The following NEB variants were observed in gnomAD, a reference collection of about 807,000 sequenced individuals.
NEB encodes nemaline myopathy type 2.
In NEB, 512 loss-of-function variants were observed where a neutral mutation model predicts 952.2. The observed-to-expected ratio is 0.54, with a 90% CI of 0.50 to 0.58. The LOEUF is 0.58. NEB is among the 20% of genes least tolerant of loss of function. NEB has a pLI of 0.00. For synonymous variants in NEB, 2,900 were observed against 3,149.8 expected, an observed-to-expected ratio of 0.92 and a Z score of 2.66; for missense variants, 8,428 against 9,231.1, an observed-to-expected ratio of 0.91 and a Z score of 3.56.
rs1336053002 is a variant in NEB at position 151,619,450 on chromosome 2, C to A, written c.10872+1G>T. Reference sequence around the variant, plus strand: ...GCAGAGCTAACATCAAGGAAACTTACGTCACTCTGGAGGTCATAGGCTTTC... The same window carrying A: ...GCAGAGCTAACATCAAGGAAACTTAAGTCACTCTGGAGGTCATAGGCTTTC... On this transcript the variant is annotated splice_donor_variant, in intron 73 of 181. Transcript: ENST00000397345. LOFTEE classifies it high-confidence loss of function. The A allele has an allele frequency of 6.3e-7, 1 of 1,588,352 alleles. No homozygotes were observed. The highest frequency in any genetic ancestry group is 8.6e-7 in the Non-Finnish European group (1 of 1,163,260).
At chr2:151,576,507 T>C (rs1288843689) in intron 105 of NEB, among the ~76,000 whole-genome samples, 153 bp from the exon 106 acceptor site, 2 of 37,270 alleles carry the variant, frequency 5.4e-5, no homozygotes, top group Admixed American at 3.8e-4. Context: ...TATATATATA[T>C]ATATATATAT....
chr2:151,664,336 T>C (rs1390769932), intron 44 of NEB, among the ~76,000 whole-genome samples, 165 bp downstream of exon 44: 1 of 152,210 alleles, frequency 6.6e-6, no homozygotes, highest in Non-Finnish European at 1.5e-5. Context: ...AATGAACAGA[T>C]GATTAGAGGG....
chr2:151,613,749 T>A (rs758993151), intron 77 of NEB, among the ~76,000 whole-genome samples: 1 of 152,170 alleles, frequency 6.6e-6, no homozygotes, highest in Non-Finnish European at 1.5e-5. Flanking sequence ...CTTAAAAGTG[T>A]GTAGCACTTC....
At chr2:151,709,570 TTTTA>T in intron 12 of NEB, 82 bp downstream of exon 12, 1 of 1,046,758 alleles carries the variant, frequency 9.6e-7, no homozygotes, top group Non-Finnish European at 1.4e-6. Flanking sequence ...TCCTCCCCTT[TTTTA>T]CTAATTATAT....
At chr2:151,560,525 T>C in intron 124 of NEB, 67 bp downstream of exon 124, 1 of 1,250,118 alleles carries the variant, frequency 8.0e-7, no homozygotes, top group Admixed American at 2.0e-5. Context: ...GCCTGAAAGA[T>C]TCTTGGAGTG....
chr2:151,707,048 C>T, intron 12 of NEB, 51 bp from the exon 13 acceptor site: 1 of 1,197,772 alleles, frequency 8.3e-7, no homozygotes, highest in East Asian at 2.6e-5. Flanking sequence ...TATTTTTGCC[C>T]CCGTCTCTAT....
At chr2:151,728,059 G>A (rs1261090950) in intron 4 of NEB, among the ~76,000 whole-genome samples, 153 bp from the exon 5 acceptor site, 2 of 152,192 alleles carry the variant, frequency 1.3e-5, no homozygotes. Context: ...ATGGCACACT[G>A]TAGCCGTATG....
chr2:151,524,554 G>A lies in NEB; in HGVS notation c.22335C>T (p.Asp7445=), dbSNP rs2153439353. ...LHYTTVADRP[D]IKKATQAAKQ... ...TGGCTGCCTGTGTGGCCTTCTTGAT[G>A]TCTGGTCGATCAGCCACTGTGGTGT... Residue 7445 remains aspartate, a synonymous_variant, in exon 152 of 182, where the codon GAC becomes GAT. Transcript: ENST00000397345. The A allele has an allele frequency of 2.5e-6, 4 of 1,603,080 alleles. No individual in the cohort carries two copies. Among genetic ancestry groups the A allele is most frequent in the Non-Finnish European group, 3.4e-6 (4 of 1,174,210 alleles).
intron 132 of NEB, 28 bp from the exon 133 acceptor site, chr2:151,547,561 T>C (rs1276851669): frequency 1.3e-6 from 2 of 1,599,604 alleles, no homozygotes; most frequent in Non-Finnish European, 1.7e-6. Flanking sequence ...CCCCAAAACA[T>C]ATGTATTAGA....
intron 37 of NEB, 76 bp from the exon 38 acceptor site, chr2:151,671,305 T>G: frequency 8.0e-7 from 1 of 1,250,106 alleles, no homozygotes; most frequent in South Asian, 1.4e-5. Context: ...TGCAATTCTA[T>G]CCAAGGGAAA....
chr2:151,644,905 G>T (rs1189464291), intron 55 of NEB, among the ~76,000 whole-genome samples: 1 of 152,108 alleles, frequency 6.6e-6, no homozygotes, highest in African/African-American at 2.4e-5. Flanking sequence ...ATCCTAGATG[G>T]TACGGCCTAG....
chr2:151,707,169 A>C (rs1214579384), intron 12 of NEB, among the ~76,000 whole-genome samples, 172 bp from the exon 13 acceptor site: 1 of 152,258 alleles, frequency 6.6e-6, no homozygotes, highest in East Asian at 1.9e-4. Flanking sequence ...GAGAAACTGC[A>C]TAAATTTCCA....
intron 142 of NEB, among the ~76,000 whole-genome samples, chr2:151,534,772 C>T (rs940387716): frequency 6.6e-5 from 10 of 152,150 alleles, no homozygotes; most frequent in African/African-American, 2.4e-4. Context: ...CCTGGAAATT[C>T]TTCATGAAAT....
At chr2:151,697,047 T>C (rs1290284852) in intron 16 of NEB, 101 bp downstream of exon 16, 9 of 867,614 alleles carry the variant, frequency 1.0e-5, no homozygotes, top group Non-Finnish European at 1.6e-5. Context: ...TGCGATTGCC[T>C]GGCTTACATT....
chr2:151,612,008 G>C (rs1320234626), intron 78 of NEB, among the ~76,000 whole-genome samples, 178 bp downstream of exon 78: 1 of 152,156 alleles, frequency 6.6e-6, no homozygotes, highest in Non-Finnish European at 1.5e-5. Flanking sequence ...AGAGAATTAG[G>C]GGGCAGGGTG....
intron 29 of NEB, among the ~76,000 whole-genome samples, chr2:151,681,379 G>A (rs1372824370): frequency 1.3e-5 from 2 of 152,196 alleles, no homozygotes; most frequent in South Asian, 2.1e-4. Flanking sequence ...CCAAAACGCT[G>A]AAGGGGCACT....
At chr2:151,539,813 G>A (rs1301752996) in intron 138 of NEB, among the ~76,000 whole-genome samples, 1 of 152,194 alleles carries the variant, frequency 6.6e-6, no homozygotes, top group Non-Finnish European at 1.5e-5. Flanking sequence ...TGATCTATAT[G>A]CAATTAAGAG....
At position 151,644,070 on chromosome 2, in the gene NEB, A is replaced by G. The variant is rs1441930348; in HGVS notation, c.7704T>C (p.Ile2568=). 1 of 1,613,760 alleles carries G rather than the reference A, an allele frequency of 6.2e-7. No homozygotes were observed. Among genetic ancestry groups the G allele is most frequent in the Non-Finnish European group, 8.5e-7 (1 of 1,179,880 alleles). ...QLGHHIGARN[I]EDDPKMMWSM... ...ACCACATCATCTTGGGGTCATCTTC[A>G]ATGTTCCGGGCACCAATGTGGTGGC... The change falls in exon 57 of 182, where the codon ATT becomes ATC. Residue 2568 remains isoleucine, a synonymous_variant. Transcript: ENST00000397345.
chr2:151,705,796 T>C (rs943120180), intron 13 of NEB, among the ~76,000 whole-genome samples: 4 of 152,208 alleles, frequency 2.6e-5, no homozygotes, highest in African/African-American at 4.8e-5. Context: ...CTGGAGGCCA[T>C]TATTCTAAAT....
Sources: allele counts gnomAD v4.1 joint callset (sites outside exome capture counted in the v4.1 genomes callset), GRCh38; gene constraint gnomAD v4.1.1; transcripts MANE v1.5; gene names NCBI Gene and HGNC (gene_info 2026-07-23, HGNC 2026-07-21).